Variants in EHMT1 observed in about 807,000 individuals in gnomAD.
EHMT1 encodes histone-lysine N-methyltransferase EHMT1.
Under a neutral mutation model 147.2 loss-of-function variants are expected in EHMT1, and 15 were observed. The ratio of observed to expected loss-of-function variants is 0.10; its 90% CI spans 0.07 to 0.16. The LOEUF (loss-of-function observed/expected upper bound fraction) is 0.16, where lower values mean the gene tolerates loss of function less well. Ranked by LOEUF, EHMT1 falls within the 10% of genes least tolerant of loss-of-function variation. The probability of loss-of-function intolerance (pLI) is 1.00; values close to 1 mark genes in which losing one functional copy is unlikely to be tolerated. For missense variants in EHMT1, 1,587 were observed against 1,772.4 expected, an observed-to-expected ratio of 0.90 and a Z score of 1.88; for synonymous variants, 795 against 709.6, an observed-to-expected ratio of 1.12 and a Z score of -1.91.
At chr9:137,663,819 C>T (rs1269414020) in intron 1 of EHMT1, among the ~76,000 whole-genome samples, 1 of 152,146 alleles carries the variant, frequency 6.6e-6, no homozygotes, top group Non-Finnish European at 1.5e-5. Context: ...ATCCTCTCAC[C>T]TGGAGAGAAG....
intron 1 of EHMT1, 99 bp from the exon 2 acceptor site, chr9:137,710,868 T>C (rs1292836026): frequency 2.2e-6 from 3 of 1,346,468 alleles, no homozygotes; most frequent in East Asian, 2.5e-5. Flanking sequence ...TCATGGTGAA[T>C]GTTGTAACTA....
At chr9:137,791,121 G>A in intron 16 of EHMT1, 151 bp downstream of exon 16, 2 of 1,325,138 alleles carry the variant, frequency 1.5e-6, no homozygotes, top group Non-Finnish European at 2.1e-6. Flanking sequence ...TCTCACTTTG[G>A]TTACCTGGTT....
At chr9:137,666,312 A>G (rs1031983486) in intron 1 of EHMT1, among the ~76,000 whole-genome samples, 3 of 152,250 alleles carry the variant, frequency 2.0e-5, no homozygotes, top group Admixed American at 1.3e-4. Context: ...TGGTAGCAGG[A>G]GGAACTCTGA....
chr9:137,758,254 C>A (rs1029712602), intron 9 of EHMT1, among the ~76,000 whole-genome samples: 1 of 152,220 alleles, frequency 6.6e-6, no homozygotes, highest in African/African-American at 2.4e-5. Flanking sequence ...CATGGCCCAG[C>A]GTGGCGGTCA....
At chr9:137,817,780 A>G in intron 24 of EHMT1, 1 of 627,676 alleles carries the variant, frequency 1.6e-6, no homozygotes, top group Non-Finnish European at 2.8e-6. Flanking sequence ...TCCAGTTAGG[A>G]AGGCGTGGTC....
At chr9:137,739,476 T>C (rs1947863648) in intron 4 of EHMT1, among the ~76,000 whole-genome samples, 1 of 152,092 alleles carries the variant, frequency 6.6e-6, no homozygotes, top group Admixed American at 6.5e-5. Context: ...AGGTCCCTGC[T>C]TGGTACAGTG....
chr9:137,768,389 T>C (rs1432447651), intron 10 of EHMT1, among the ~76,000 whole-genome samples: 1 of 148,810 alleles, frequency 6.7e-6, no homozygotes, highest in Non-Finnish European at 1.5e-5. Context: ...GTTTCACTCT[T>C]GTTGCCCGGG....
At chr9:137,758,679 T>C (rs143123246) in intron 9 of EHMT1, among the ~76,000 whole-genome samples, 71 of 152,342 alleles carry the variant, frequency 4.7e-4, no homozygotes, top group Admixed American at 2.3e-3. Flanking sequence ...CCCACAGATC[T>C]TACTGGTGTG....
intron 8 of EHMT1, among the ~76,000 whole-genome samples, chr9:137,754,685 T>G (rs567165097): frequency 1.3e-5 from 2 of 152,278 alleles, no homozygotes; most frequent in African/African-American, 4.8e-5. Flanking sequence ...GCTTATTTTT[T>G]TGTGTTTTTT....
rs547595122 is a variant in EHMT1, at chr9:137,630,831, G to C, written c.21+11782G>C. Reference sequence around the variant, plus strand: ...AGGTCAGAAGGGGATAGTGGCATGAGATGAAGCTGGAGAGGCAGGGCAAGG... The same window carrying C: ...AGGTCAGAAGGGGATAGTGGCATGACATGAAGCTGGAGAGGCAGGGCAAGG... On this transcript the variant is annotated intron_variant, in intron 1 of 26. Coordinates refer to ENST00000460843, the MANE Select transcript of EHMT1 (RefSeq NM_024757.5). Among the ~76,000 whole-genome samples, 21 of 152,268 alleles carry C rather than the reference G, an allele frequency of 1.4e-4. No individual in the cohort carries two copies. The East Asian group carries it at 3.7e-3, about 27-fold the overall frequency.
chr9:137,675,118 C>T (rs1024718328), intron 1 of EHMT1: 2 of 152,200 alleles, frequency 1.3e-5, no homozygotes, highest in Non-Finnish European at 2.9e-5. Flanking sequence ...CACGCCTGGC[C>T]TAGATTGCTG....
intron 23 of EHMT1, 122 bp from the exon 24 acceptor site, chr9:137,817,317 T>C (rs574843307): frequency 8.9e-7 from 1 of 1,128,766 alleles, no homozygotes; most frequent in South Asian, 1.3e-5. Flanking sequence ...CATCGAACGC[T>C]TCGGATACAG....
intron 25 of EHMT1, among the ~76,000 whole-genome samples, chr9:137,823,869 T>G (rs1407379503): frequency 1.3e-5 from 2 of 152,248 alleles, no homozygotes; most frequent in Admixed American, 6.5e-5. Flanking sequence ...ATTTGCCTGT[T>G]TTTTAATTGG....
chr9:137,653,623 G>C (rs1019508168), intron 1 of EHMT1, among the ~76,000 whole-genome samples: 1 of 152,052 alleles, frequency 6.6e-6, no homozygotes, highest in African/African-American at 2.4e-5. Flanking sequence ...CTGCCTCCCA[G>C]TTTCAAGCGA....
At chr9:137,758,428 T>A (rs774134697) in intron 9 of EHMT1, among the ~76,000 whole-genome samples, 4 of 152,232 alleles carry the variant, frequency 2.6e-5, no homozygotes. Flanking sequence ...TGACATACGT[T>A]CTGTAATGGA....
intron 1 of EHMT1, among the ~76,000 whole-genome samples, chr9:137,626,580 A>G (rs1843273573): frequency 6.6e-6 from 1 of 150,864 alleles, no homozygotes; most frequent in African/African-American, 2.4e-5. Context: ...TTTTCCCTGC[A>G]TTCGTTCCTC....
At chr9:137,796,595 T>C (rs1400748063) in intron 16 of EHMT1, among the ~76,000 whole-genome samples, 2 of 149,630 alleles carry the variant, frequency 1.3e-5, no homozygotes, top group African/African-American at 4.9e-5. Flanking sequence ...TCCCAGCTAC[T>C]CGGGAGGCTG....
At chr9:137,812,911 T>G in intron 19 of EHMT1, 95 bp from the exon 20 acceptor site, 18 of 1,524,844 alleles carry the variant, frequency 1.2e-5, no homozygotes, top group Non-Finnish European at 1.5e-5. Flanking sequence ...GTGTTCCCTT[T>G]ATTGTTAGTG....
Position 137,802,788 on chromosome 9 carries a change from G to C in EHMT1, c.2712+1804G>C, listed in dbSNP as rs1953609707. The C allele has an allele frequency of 3.3e-6, 4 of 1,230,426 alleles. No homozygotes were observed. The South Asian group carries it at 1.6e-4, about 51-fold the overall frequency. 76.2% of individuals were successfully genotyped at this position (1,230,426 alleles called of 1,614,324 possible). A position where few individuals can be genotyped will look rare whatever the true frequency, so the allele number is the denominator to read the frequency against. On this transcript the variant is annotated intron_variant, in intron 18 of 26. Coordinates refer to ENST00000460843, the MANE Select transcript of EHMT1 (RefSeq NM_024757.5). Reference sequence around the variant, plus strand: ...TGCAGTGCCTCCTCCGTGGGCTGCAGGGCTTCCATGACTGTATCCAGGGGG... The same window carrying C: ...TGCAGTGCCTCCTCCGTGGGCTGCACGGCTTCCATGACTGTATCCAGGGGG...
Sources: allele counts gnomAD v4.1 joint callset (sites outside exome capture counted in the v4.1 genomes callset), GRCh38; gene constraint gnomAD v4.1.1; transcripts MANE v1.5; gene names NCBI Gene and HGNC (gene_info 2026-07-23, HGNC 2026-07-21).